The following CAMSAP1 variants were observed in gnomAD, a reference collection of about 807,000 sequenced individuals.
CAMSAP1 encodes the protein calmodulin regulated spectrin associated protein 1.
In CAMSAP1, 58 loss-of-function variants were observed where a neutral mutation model predicts 143.5. The ratio of observed to expected loss-of-function variants is 0.40; its 90% CI spans 0.33 to 0.50. The LOEUF is 0.50. Among genes scored for constraint, CAMSAP1 ranks in the 20% least tolerant of loss-of-function variants. The pLI is 0.45. For synonymous variants in CAMSAP1, 945 were observed against 859.3 expected (o/e 1.10, Z -1.74); for missense variants, 1,969 against 2,115.7 (o/e 0.93, Z 1.36).
intron 7 of CAMSAP1, among the ~76,000 whole-genome samples, chr9:135,837,639 C>T (rs190172539): frequency 6.6e-6 from 1 of 151,634 alleles, no homozygotes; most frequent in Non-Finnish European, 1.5e-5. Flanking sequence ...TCATCACGCA[C>T]TTTCTACCCC....
chr9:135,821,313 G>A lies in CAMSAP1; in HGVS notation c.3348C>T (p.Gly1116=), dbSNP rs150969649. 2.4e-5 allele frequency: 39 copies of A among 1,612,834 alleles called. No homozygotes were observed. Among genetic ancestry groups the A allele is most frequent in the Non-Finnish European group, 3.1e-5 (36 of 1,179,886 alleles). The change falls in exon 11 of 17, where the codon GGC becomes GGT. Residue 1116 remains glycine (G), a synonymous_variant. Transcript: ENST00000389532. The surrounding 1 kb of genome is among the most constrained non-coding windows in gnomAD (Gnocchi z 4.6). ...ELKVPKDRPQ[G]SSRSKTPTPS... is the part of the protein sequence containing the mutation. ...GCGTTGGGGTTTTACTTCGGGAGGAGCCCTGTGGCCTGTCTTTTGGGACCT... is the reference window on the plus strand; with the variant it reads ...GCGTTGGGGTTTTACTTCGGGAGGAACCCTGTGGCCTGTCTTTTGGGACCT...
chr9:135,833,281 C>A (rs1835913730), intron 7 of CAMSAP1, among the ~76,000 whole-genome samples: 1 of 152,028 alleles, frequency 6.6e-6, no homozygotes, highest in African/African-American at 2.4e-5. Flanking sequence ...CGGGGTTTCA[C>A]CGTTTTAGCC....
intron 14 of CAMSAP1, among the ~76,000 whole-genome samples, chr9:135,816,465 G>A (rs982789914): frequency 3.9e-5 from 6 of 152,210 alleles, no homozygotes; most frequent in African/African-American, 1.4e-4. Context: ...CTGATCCCTG[G>A]AAGGCCTGAG....
In CAMSAP1 at chr9:135,907,427, C is replaced by T. The variant is rs1268789339; in HGVS notation, c.-268G>A. ...GCGGCAGGAGGGCGCGGGCCGGGGG[C>T]GGGGGCGGGCGCGGGGGCGGGAGCG... is the stretch of plus-strand genomic sequence containing the variant. On this transcript the variant is annotated 5_prime_UTR_variant, in exon 1 of 17. Transcript: ENST00000389532. Among the ~76,000 whole-genome samples, 1 of 145,222 alleles carries T rather than the reference C, an allele frequency of 6.9e-6. No individual in the cohort carries two copies. The highest frequency in any genetic ancestry group is 1.5e-5 in the Non-Finnish European group (1 of 65,528).
chr9:135,843,537 G>C (rs1453230933), intron 7 of CAMSAP1, among the ~76,000 whole-genome samples: 2 of 151,902 alleles, frequency 1.3e-5, no homozygotes, highest in African/African-American at 4.8e-5. Context: ...GATCAAAAAA[G>C]ACAAAGAAGG....
At chr9:135,813,887 G>C (rs1490913788) in intron 16 of CAMSAP1, among the ~76,000 whole-genome samples, 1 of 152,354 alleles carries the variant, frequency 6.6e-6, no homozygotes, top group South Asian at 2.1e-4. Flanking sequence ...TGGCCCACAG[G>C]CTGCTGTGGA....
intron 1 of CAMSAP1, among the ~76,000 whole-genome samples, chr9:135,891,665 A>G (rs1363308136): frequency 6.6e-6 from 1 of 152,260 alleles, no homozygotes; most frequent in Non-Finnish European, 1.5e-5. Context: ...AGCCCAATCC[A>G]TAATTATTCA....
chr9:135,836,145 G>A, intron 7 of CAMSAP1: 2 of 985,416 alleles, frequency 2.0e-6, no homozygotes, highest in Non-Finnish European at 2.4e-6. Context: ...AAAGCACCCA[G>A]AGAAGCCCAT....
At chr9:135,841,186 G>A (rs1836334659) in intron 7 of CAMSAP1, among the ~76,000 whole-genome samples, 1 of 152,182 alleles carries the variant, frequency 6.6e-6, no homozygotes, top group Non-Finnish European at 1.5e-5. Flanking sequence ...CCATTACTGA[G>A]GCTTGAGTAG....
rs533312641 is a variant in CAMSAP1 at position 135,819,735 on chromosome 9, T to C, written c.3823-589A>G. Among the ~76,000 whole-genome samples the C allele has an allele frequency of 8.6e-4, 127 of 147,348 alleles. No homozygotes were observed. In the Middle Eastern group the frequency reaches 0.036, roughly 41 times the overall value. On this transcript the variant is annotated intron_variant, in intron 11 of 16. Transcript: ENST00000389532. Reference sequence around the variant, plus strand: ...GGTGGCACACGCCTGTAATCCCAGCTACTCAGGAGCCTGAGGCAGAAGAAT... The same window carrying C: ...GGTGGCACACGCCTGTAATCCCAGCCACTCAGGAGCCTGAGGCAGAAGAAT...
chr9:135,877,428 C>A (rs902849875), intron 3 of CAMSAP1, among the ~76,000 whole-genome samples: 1 of 150,064 alleles, frequency 6.7e-6, no homozygotes, highest in African/African-American at 2.5e-5. Context: ...AAACAAATGA[C>A]TGCTTATCAA....
At chr9:135,815,752 T>A (rs1835207283) in intron 15 of CAMSAP1, 138 bp downstream of exon 15, 4 of 728,214 alleles carry the variant, frequency 5.5e-6, no homozygotes, top group Non-Finnish European at 8.9e-6. Context: ...GAGCTCAAAT[T>A]AGCTCTCTTT....
chr9:135,831,580 G>A (rs1428072654), intron 7 of CAMSAP1, among the ~76,000 whole-genome samples: 2 of 151,648 alleles, frequency 1.3e-5, no homozygotes, highest in Admixed American at 6.6e-5. Flanking sequence ...GACTAGGAAA[G>A]GAAGAACAAA....
chr9:135,900,697 A>G (rs999221619), intron 1 of CAMSAP1, among the ~76,000 whole-genome samples: 1 of 152,022 alleles, frequency 6.6e-6, no homozygotes, highest in Non-Finnish European at 1.5e-5. Context: ...TCCGTCTCAA[A>G]AAAAAGAAAG....
intron 3 of CAMSAP1, among the ~76,000 whole-genome samples, chr9:135,871,900 C>T (rs117778507): frequency 0.038 from 5,730 of 152,180 alleles, 204 homozygotes; most frequent in East Asian, 0.19. Flanking sequence ...GTCGGGAATT[C>T]GAGACCAGCC....
chr9:135,846,682 CAAAAAA>C (rs752714756), intron 7 of CAMSAP1, among the ~76,000 whole-genome samples: 5 of 53,698 alleles, frequency 9.3e-5, no homozygotes, highest in Admixed American at 4.1e-4. Context: ...ACAAATTTAC[CAAAAAA>C]AAAAAAAAAA....
intron 7 of CAMSAP1, among the ~76,000 whole-genome samples, chr9:135,835,169 G>C: frequency 6.6e-6 from 1 of 152,060 alleles, no homozygotes; most frequent in East Asian, 1.9e-4. Context: ...CTAACAGGAG[G>C]CCCTTACCAA....
intron 3 of CAMSAP1, among the ~76,000 whole-genome samples, chr9:135,876,307 GAGA>G (rs1837745857): frequency 6.6e-6 from 1 of 152,166 alleles, no homozygotes; most frequent in South Asian, 2.1e-4. Context: ...GCCGGCCTGG[GAGA>G]AGATCTTCAT....
At position 135,822,743 on chromosome 9, in the gene CAMSAP1, T is replaced by C. The variant is rs752889393; in HGVS notation, c.1918A>G (p.Met640Val). The C allele has an allele frequency of 6.2e-7, 1 of 1,612,598 alleles. No individual in the cohort carries two copies. The highest frequency in any genetic ancestry group is 8.5e-7 in the Non-Finnish European group (1 of 1,179,224). The change falls in exon 11 of 17, where the codon ATG becomes GTG. Residue 640 changes from methionine (M) to valine (V), a missense_variant. Coordinates refer to ENST00000389532, the MANE Select transcript of CAMSAP1 (RefSeq NM_015447.4). The surrounding 1 kb of genome is among the most constrained non-coding windows in gnomAD (Gnocchi z 6.1). ...CTATTCAAGTCGCGACTGCCAGTCA[T>C]TTTCCTTCGTACCAAAGGCTGGGGG... The part of the protein sequence containing the change: ...EGPQPLVRRK[M>V]TGSRDLNRTF...
Sources: gnomAD v4.1 joint callset for allele counts (sites outside exome capture counted in the v4.1 genomes callset) on GRCh38, gnomAD v4.1.1 for gene constraint, Gnocchi (gnomAD v3.1) non-coding constraint, MANE v1.5 for transcripts, NCBI Gene and HGNC (gene_info 2026-07-23, HGNC 2026-07-21) for gene names.